EPB41: variants seen among roughly 807,000 people sequenced by gnomAD.
EPB41 encodes the protein protein 4.1.
Under a neutral mutation model 108.0 loss-of-function variants are expected in EPB41, and 65 were observed. The ratio of observed to expected loss-of-function variants is 0.60; its 90% CI spans 0.49 to 0.74. The LOEUF (loss-of-function observed/expected upper bound fraction) is 0.74. EPB41 is among the 30% of genes least tolerant of loss of function. The pLI is 0.00. For synonymous variants in EPB41, 336 were observed against 358.9 expected, an observed-to-expected ratio of 0.94 and a Z score of 0.72; for missense variants, 875 against 1,037.0, an observed-to-expected ratio of 0.84 and a Z score of 2.15.
chr1:28,980,455 A>G (rs2149424803), intron 1 of EPB41, among the ~76,000 whole-genome samples: 1 of 152,210 alleles, frequency 6.6e-6, no homozygotes, highest in African/African-American at 2.4e-5. Context: ...CACTTCTGTA[A>G]TCCCAGCACT....
intron 16 of EPB41, among the ~76,000 whole-genome samples, chr1:29,078,101 C>G (rs1230410581): frequency 1.2e-4 from 18 of 152,108 alleles, no homozygotes; most frequent in Admixed American, 1.2e-3. Flanking sequence ...TGGCGCACGC[C>G]TATAATCTCA....
chr1:29,088,109 C>T (rs530239705), intron 16 of EPB41, among the ~76,000 whole-genome samples: 1 of 148,768 alleles, frequency 6.7e-6, no homozygotes, highest in South Asian at 2.1e-4. Context: ...TGCAGTGGCA[C>T]GATTTCAGCT....
At chr1:29,010,042 TA>T (rs2096473087) in intron 4 of EPB41, among the ~76,000 whole-genome samples, 1 of 152,126 alleles carries the variant, frequency 6.6e-6, no homozygotes, top group Non-Finnish European at 1.5e-5. Context: ...TCCTTTTTTC[TA>T]AATACCACTG....
chr1:29,093,428 T>C (rs1378220622), intron 16 of EPB41, among the ~76,000 whole-genome samples: 1 of 152,230 alleles, frequency 6.6e-6, no homozygotes, highest in Admixed American at 6.5e-5. Context: ...TTAAGTTTCT[T>C]ATAGATGCTG....
chr1:29,111,550 G>A lies in EPB41; in HGVS notation c.2416-818G>A, dbSNP rs560926674. 2.3e-3 allele frequency among the ~76,000 whole-genome samples: 343 copies of A among 152,244 alleles called. 2 individuals carry two copies. The highest frequency in any genetic ancestry group is 7.6e-3 in the African/African-American group (316 of 41,520). On this transcript the variant is annotated intron_variant, in intron 18 of 20. Coordinates refer to ENST00000343067, the MANE Select transcript of EPB41 (RefSeq NM_001376013.1). ...CGCCTGTAGTCCCAGCTACTTGGGA[G>A]GCTGAGGCAGGAGAATGGTGTGAAC... is the stretch of plus-strand genomic sequence containing the variant.
intron 16 of EPB41, among the ~76,000 whole-genome samples, chr1:29,090,354 G>A (rs556521102): frequency 2.0e-5 from 3 of 152,164 alleles, no homozygotes; most frequent in African/African-American, 7.2e-5. Flanking sequence ...ATAATCTCTG[G>A]GGGTTAGCGG....
At chr1:29,107,749 G>C (rs1443496774) in intron 17 of EPB41, among the ~76,000 whole-genome samples, 3 of 151,040 alleles carry the variant, frequency 2.0e-5, no homozygotes, top group Admixed American at 2.0e-4. Context: ...TACTTGGGAG[G>C]CTGAGGCAGG....
intron 1 of EPB41, among the ~76,000 whole-genome samples, chr1:28,897,138 G>A (rs1304778020): frequency 6.6e-6 from 1 of 152,150 alleles, no homozygotes; most frequent in Non-Finnish European, 1.5e-5. Flanking sequence ...GTCCCTTGTG[G>A]TGACCCTGGT....
chr1:29,103,075 ATT>A (rs972106970), intron 17 of EPB41, among the ~76,000 whole-genome samples: 1 of 151,896 alleles, frequency 6.6e-6, no homozygotes, highest in Non-Finnish European at 1.5e-5. Flanking sequence ...ACCCAGCCTA[ATT>A]TTTATATTTT....
chr1:28,905,818 CTTTT>C (rs573552880), intron 1 of EPB41, among the ~76,000 whole-genome samples: 2 of 133,848 alleles, frequency 1.5e-5, no homozygotes, highest in Non-Finnish European at 3.2e-5. Context: ...TTCTTTCTTT[CTTTT>C]TTTTTTTTTT....
At chr1:29,110,714 T>C (rs994067556) in intron 18 of EPB41, among the ~76,000 whole-genome samples, 7 of 152,360 alleles carry the variant, frequency 4.6e-5, no homozygotes, top group African/African-American at 1.7e-4. Context: ...TAACTTAATG[T>C]GTCTAGACCT....
chr1:29,109,542 C>T (rs1668452354), intron 18 of EPB41, 105 bp downstream of exon 18: 1 of 914,724 alleles, frequency 1.1e-6, no homozygotes, highest in Non-Finnish European at 1.8e-6. Context: ...ATTTTCAGCT[C>T]CATCCCTAGT....
intron 16 of EPB41, among the ~76,000 whole-genome samples, chr1:29,081,835 C>CAA (rs34188995): frequency 0.037 from 4,616 of 126,142 alleles, 234 homozygotes; most frequent in African/African-American, 0.13. Context: ...AACTCTGTCT[C>CAA]AAAAAAAAAA....
chr1:29,037,036 G>C (rs1430138159), intron 10 of EPB41, among the ~76,000 whole-genome samples: 1 of 151,868 alleles, frequency 6.6e-6, no homozygotes, highest in African/African-American at 2.4e-5. Context: ...GGAGCACACA[G>C]AACCATATTT....
At chr1:28,911,202 C>G (rs978040911), upstream of EPB41, 1 of 982,714 alleles carries the variant, frequency 1.0e-6, no homozygotes, top group African/African-American at 1.8e-5. Flanking sequence ...GGGCACTTAG[C>G]CTAACAACTG....
At chr1:28,928,390 A>G (rs1441391335) in intron 1 of EPB41, among the ~76,000 whole-genome samples, 3 of 152,208 alleles carry the variant, frequency 2.0e-5, no homozygotes, top group African/African-American at 7.2e-5. Flanking sequence ...CATGTGATCA[A>G]CACCAGGTCT....
intron 20 of EPB41, among the ~76,000 whole-genome samples, chr1:29,116,160 T>TTC: frequency 6.7e-6 from 1 of 148,900 alleles, no homozygotes; most frequent in East Asian, 2.0e-4. Context: ...CTTTTTTTTT[T>TTC]TTTTTTTTTG....
intron 16 of EPB41, among the ~76,000 whole-genome samples, chr1:29,077,140 G>A (rs1185269942): frequency 6.6e-6 from 1 of 151,986 alleles, no homozygotes; most frequent in East Asian, 1.9e-4. Context: ...AATCCAGAAA[G>A]CCTGTATCCA....
chr1:29,039,489 C>T, intron 11 of EPB41, 63 bp downstream of exon 11: 1 of 1,594,734 alleles, frequency 6.3e-7, no homozygotes, highest in Non-Finnish European at 8.6e-7. Context: ...AAAGGAAGTG[C>T]AATTATCTAT....
Sources: allele counts gnomAD v4.1 joint callset (sites outside exome capture counted in the v4.1 genomes callset), GRCh38; gene constraint gnomAD v4.1.1; transcripts MANE v1.5; gene names NCBI Gene and HGNC (gene_info 2026-07-23, HGNC 2026-07-21).